Variants in ATPAF1 observed in about 807,000 individuals in gnomAD.
ATPAF1 encodes ATP synthase mitochondrial F1 complex assembly factor 1, also known as homolog of yeast ATP11.
Under a neutral mutation model 43.9 loss-of-function variants are expected in ATPAF1, and 26 were observed. The observed-to-expected ratio is 0.59, with a 90% confidence interval of 0.43 to 0.82. The LOEUF (loss-of-function observed/expected upper bound fraction) is 0.82. Among genes scored for constraint, ATPAF1 ranks in the 40% least tolerant of loss-of-function variants. The pLI is 0.00. For synonymous variants in ATPAF1, 157 were observed against 168.0 expected (o/e 0.93, Z 0.50); for missense variants, 366 against 435.0 (o/e 0.84, Z 1.41).
intron 8 of ATPAF1, among the ~76,000 whole-genome samples, chr1:46,637,680 C>T (rs1414221498): frequency 6.6e-6 from 1 of 152,174 alleles, no homozygotes; most frequent in African/African-American, 2.4e-5. Context: ...CTCTGTGGGA[C>T]TTTCAGGACA....
intron 6 of ATPAF1, 27 bp from the exon 7 acceptor site, chr1:46,645,283 C>T (rs776703946): frequency 1.5e-5 from 23 of 1,518,450 alleles, no homozygotes; most frequent in Non-Finnish European, 2.0e-5. Flanking sequence ...TACAAGGAGA[C>T]AGATGAATAA....
rs1675943634 is a variant in ATPAF1 at position 46,641,233 on chromosome 1, C to T, written c.792+1961G>A. On this transcript the variant is annotated intron_variant, in intron 8 of 8. Transcript: ENST00000574428. ...GCTGAGATTACAAGGTGCATGCCAC[C>T]ACGCCTGGCTAATTTTTGTATTTTT... Among the ~76,000 whole-genome samples the T allele has an allele frequency of 4.0e-5, 6 of 150,912 alleles. No homozygotes were observed. The South Asian group carries it at 1.3e-3, about 33-fold the overall frequency.
At chr1:46,652,163 A>C (rs1029586284) in intron 6 of ATPAF1, among the ~76,000 whole-genome samples, 3 of 151,768 alleles carry the variant, frequency 2.0e-5, no homozygotes, top group Non-Finnish European at 4.4e-5. Flanking sequence ...TGTACCCCAT[A>C]AATATGTATA....
intron 2 of ATPAF1, among the ~76,000 whole-genome samples, chr1:46,661,067 G>C (rs971943082): frequency 6.6e-6 from 1 of 150,396 alleles, no homozygotes; most frequent in Admixed American, 6.6e-5. Context: ...ACTGCTCATG[G>C]TTTTGGAGGT....
exon 9 of ATPAF1, chr1:46,635,920 A>G (rs1675829999): frequency 1.2e-6 from 2 of 1,614,148 alleles, no homozygotes; most frequent in African/African-American, 2.7e-5. Context: ...TCCGATCAGT[A>G]GCGTAGAAGA....
intron 6 of ATPAF1, 66 bp downstream of exon 6, chr1:46,652,515 A>G: frequency 6.7e-7 from 1 of 1,502,376 alleles, no homozygotes; most frequent in South Asian, 1.1e-5. Flanking sequence ...ATATGACGTG[A>G]TGGGCTGGAA....
chr1:46,635,854 A>G, exon 9 of ATPAF1: 1 of 1,614,244 alleles, frequency 6.2e-7, no homozygotes, highest in African/African-American at 1.3e-5. Flanking sequence ...TGACAGACAT[A>G]TATTTGAACT....
rs898692944 is a variant in ATPAF1, at chr1:46,668,125, C to T, written c.198G>A (p.Gly66=). 1.4e-6 allele frequency: 2 copies of T among 1,430,202 alleles called. No individual in the cohort carries two copies. The highest frequency in any genetic ancestry group is 1.5e-5 in the African/African-American group (1 of 66,864). 88.6% of individuals were successfully genotyped at this position (1,430,202 alleles called of 1,614,324 possible). ...GGTTGGCCTGGAGCTCGGCCTCGGC[C>T]CCGACCCCGCTGCTGTCGGCGCCCC... The change falls in exon 1 of 9, where the codon GGG becomes GGA. Residue 66 remains glycine, a synonymous_variant. Coordinates refer to ENST00000574428, the Ensembl canonical transcript of ATPAF1. The surrounding 1 kb of genome is among the most constrained non-coding windows in gnomAD (Gnocchi z 4.4).
chr1:46,634,871 C>A (rs966328804), downstream of ATPAF1: 5 of 152,588 alleles, frequency 3.3e-5, no homozygotes, highest in Admixed American at 2.0e-4. Flanking sequence ...ACACAATGGA[C>A]AGTACATAAC....
chr1:46,653,677 A>G lies in ATPAF1; in HGVS notation c.540+140T>C, dbSNP rs1676210984. The G allele has an allele frequency of 3.1e-6, 2 of 649,364 alleles. No individual in the cohort carries two copies. The highest frequency in any genetic ancestry group is 5.2e-6 in the Non-Finnish European group (2 of 387,986). 40.2% of individuals were successfully genotyped at this position (649,364 alleles called of 1,614,324 possible). A position where few individuals can be genotyped will look rare whatever the true frequency, so the allele number is the denominator to read the frequency against. ...GCTTCCAATCTCTGGTGCTCAGGGC[A>G]TAATAAAAACTCTCAGGGCTGTAAA... On this transcript the variant is annotated intron_variant, in intron 5 of 8. Transcript: ENST00000574428. The surrounding 1 kb of genome is among the most constrained non-coding windows in gnomAD (Gnocchi z 4.8).
At chr1:46,663,813 C>T in intron 2 of ATPAF1, 2 of 1,167,872 alleles carry the variant, frequency 1.7e-6, no homozygotes, top group South Asian at 1.6e-5. Flanking sequence ...TGTAGAATCC[C>T]AATTTTCTAC....
Position 46,637,108 on chromosome 1 carries a change from T to G in ATPAF1, c.793-1138A>C, listed in dbSNP as rs112625991. On this transcript the variant is annotated intron_variant, in intron 8 of 8. Coordinates refer to ENST00000574428, the Ensembl canonical transcript of ATPAF1. ...CCACTAGATTTTGTATAATTTGTTATGCAGCCATTTATAACTAATACATCA... is the reference window on the plus strand; with the variant it reads ...CCACTAGATTTTGTATAATTTGTTAGGCAGCCATTTATAACTAATACATCA... Among the ~76,000 whole-genome samples the G allele has an allele frequency of 2.9e-3, 448 of 152,360 alleles. 2 individuals carry two copies. The highest frequency in any genetic ancestry group is 4.4e-3 in the Non-Finnish European group (302 of 68,038).
intron 2 of ATPAF1, among the ~76,000 whole-genome samples, chr1:46,659,973 T>C (rs989721327): frequency 1.4e-5 from 2 of 147,706 alleles, no homozygotes; most frequent in African/African-American, 4.9e-5. Flanking sequence ...TTCATTTTCT[T>C]TCTTTCTTTT....
rs1446326823 is a variant in ATPAF1 at position 46,668,330 on chromosome 1, C to CCCGCCT, written c.-14_-9dup. On this transcript the variant is annotated 5_prime_UTR_variant, in exon 1 of 9. Coordinates refer to ENST00000574428, the Ensembl canonical transcript of ATPAF1. The surrounding 1 kb of genome is among the most constrained non-coding windows in gnomAD (Gnocchi z 4.4). ...CACCACCACAGCAGCCATGGCCGCC[C>CCCGCCT]CCGCCTCCTCCTCCTCCTCAGGCGC... The CCCGCCT allele has an allele frequency of 1.5e-6, 2 of 1,357,892 alleles. No homozygotes were observed. The highest frequency in any genetic ancestry group is 2.8e-5 in the Admixed American group (1 of 35,516). The allele number at this position is 1,357,892 out of a possible 1,614,324, so 84.1% of individuals were successfully genotyped here.
intron 2 of ATPAF1, chr1:46,663,785 T>C: frequency 9.1e-7 from 1 of 1,096,622 alleles, no homozygotes; most frequent in Non-Finnish European, 1.1e-6. Context: ...ACACCTCTAA[T>C]TTGACTTTAA....
intron 1 of ATPAF1, among the ~76,000 whole-genome samples, chr1:46,667,396 T>C (rs187967193): frequency 6.6e-6 from 1 of 152,322 alleles, no homozygotes; most frequent in East Asian, 1.9e-4. Context: ...GATGCTCCTA[T>C]AGCCCCTCAT....
At chr1:46,645,527 C>CTT (rs60052594) in intron 6 of ATPAF1, among the ~76,000 whole-genome samples, 3 of 141,226 alleles carry the variant, frequency 2.1e-5, no homozygotes, top group Non-Finnish European at 3.1e-5. Flanking sequence ...AGCCTGGCTA[C>CTT]TTTTTTTTTT....
chr1:46,636,746 A>G (rs1472706048), intron 8 of ATPAF1, among the ~76,000 whole-genome samples: 1 of 151,416 alleles, frequency 6.6e-6, no homozygotes, highest in East Asian at 1.9e-4. Flanking sequence ...AAAAAAAAAG[A>G]CTATGAAAAA....
Position 46,639,719 on chromosome 1 carries a change from T to C in ATPAF1, c.792+3475A>G, listed in dbSNP as rs377209271. Reference sequence around the variant, plus strand: ...TCATCTTATACTTCTAAGTTTCTCTTCTCTAAGTCATGTACAACAAGTTCT... The same window carrying C: ...TCATCTTATACTTCTAAGTTTCTCTCCTCTAAGTCATGTACAACAAGTTCT... On this transcript the variant is annotated intron_variant, in intron 8 of 8. Coordinates refer to ENST00000574428, the Ensembl canonical transcript of ATPAF1. 5.9e-5 allele frequency among the ~76,000 whole-genome samples: 9 copies of C among 152,320 alleles called. No homozygotes were observed. In the East Asian group the frequency reaches 1.7e-3, roughly 29 times the overall value.
Sources: allele counts gnomAD v4.1 joint callset (sites outside exome capture counted in the v4.1 genomes callset), GRCh38; gene constraint gnomAD v4.1.1; non-coding constraint Gnocchi (gnomAD v3.1); transcripts MANE v1.5; gene names NCBI Gene and HGNC (gene_info 2026-07-23, HGNC 2026-07-21).